Variants in PDE4B observed in about 807,000 individuals in gnomAD.
The protein encoded by PDE4B is phosphodiesterase 4B, also known as 3',5'-cyclic-AMP phosphodiesterase 4B.
A neutral mutation model predicts 82.2 loss-of-function variants in PDE4B; 20 were observed. That is an observed-to-expected ratio of 0.24 (90% CI 0.17 to 0.35). The LOEUF is 0.35. Ranked by LOEUF, PDE4B falls within the 10% of genes least tolerant of loss-of-function variation. PDE4B has a pLI of 1.00. For missense variants in PDE4B, 655 were observed against 907.2 expected (o/e 0.72, Z 3.57); for synonymous variants, 320 against 318.9 (o/e 1.00, Z -0.04).
At chr1:66,037,387 G>C (rs193092364) in intron 3 of PDE4B, among the ~76,000 whole-genome samples, 1 of 151,974 alleles carries the variant, frequency 6.6e-6, no homozygotes, top group Non-Finnish European at 1.5e-5. Context: ...TTATAAATAG[G>C]ATTGTTTTCT....
At chr1:66,081,707 T>G (rs758518873) in intron 3 of PDE4B, among the ~76,000 whole-genome samples, 3 of 152,038 alleles carry the variant, frequency 2.0e-5, no homozygotes, top group Non-Finnish European at 4.4e-5. Context: ...CTGGAGAGAT[T>G]TGGTCAGTGT....
chr1:66,316,573 G>C (rs1659043353), intron 7 of PDE4B, among the ~76,000 whole-genome samples: 1 of 152,302 alleles, frequency 6.6e-6, no homozygotes, highest in Non-Finnish European at 1.5e-5. Context: ...TGTGTTCAGG[G>C]GGAGATTGAT....
intron 3 of PDE4B, among the ~76,000 whole-genome samples, chr1:66,097,895 T>C (rs1225052151): frequency 6.6e-6 from 1 of 151,082 alleles, no homozygotes; most frequent in African/African-American, 2.4e-5. Flanking sequence ...AAAGTGGTGA[T>C]AGATTTTGTT....
At position 65,865,607 on chromosome 1, in the gene PDE4B, C is replaced by T. The variant is rs544017689; in HGVS notation, c.-70-47638C>T. On this transcript the variant is annotated intron_variant, in intron 1 of 16. Coordinates refer to ENST00000341517, the MANE Select transcript of PDE4B (RefSeq NM_002600.4). The stretch of plus-strand genomic sequence containing the variant: ...TGCTAGGTGGGCCCAATAGCACAGT[C>T]CCTCACGGCTTCCTTTGGCTGAGGT... Among the ~76,000 whole-genome samples the T allele has an allele frequency of 2.0e-3, 301 of 152,238 alleles. 1 individual carries two copies. Among genetic ancestry groups the T allele is most frequent in the Admixed American group, 3.5e-3 (53 of 15,296 alleles).
At chr1:66,249,787 A>G (rs1653613044) in intron 4 of PDE4B, among the ~76,000 whole-genome samples, 1 of 151,972 alleles carries the variant, frequency 6.6e-6, no homozygotes, top group Non-Finnish European at 1.5e-5. Context: ...AAAGATAAGG[A>G]CTTAGATAAA....
intron 3 of PDE4B, among the ~76,000 whole-genome samples, chr1:66,115,165 C>T (rs1645570997): frequency 6.6e-6 from 1 of 152,168 alleles, no homozygotes; most frequent in Non-Finnish European, 1.5e-5. Context: ...GCAATTCATA[C>T]TGACCTGTCA....
Position 66,198,669 on chromosome 1 carries a change from T to C in PDE4B, c.282-48791T>C, listed in dbSNP as rs551548258. ...TACTTGTGCACAACGTGCAGGTTTG[T>C]TACATATGTATACATGTGCCATGTC... On this transcript the variant is annotated intron_variant, in intron 3 of 16. Coordinates refer to ENST00000341517, the MANE Select transcript of PDE4B (RefSeq NM_002600.4). 7.2e-5 allele frequency among the ~76,000 whole-genome samples: 11 copies of C among 152,342 alleles called. No individual in the cohort carries two copies. The East Asian group carries it at 2.1e-3, about 29-fold the overall frequency.
intron 3 of PDE4B, among the ~76,000 whole-genome samples, chr1:66,020,445 C>T (rs1188894402): frequency 1.3e-5 from 2 of 152,004 alleles, no homozygotes; most frequent in African/African-American, 4.8e-5. Context: ...GGTATATCTC[C>T]TAATGCTATC....
At chr1:65,965,518 A>T (rs948691191) in intron 3 of PDE4B, among the ~76,000 whole-genome samples, 1 of 150,120 alleles carries the variant, frequency 6.7e-6, no homozygotes. Flanking sequence ...GAATCTTGTG[A>T]TTTTTTTTTT....
At chr1:66,056,806 G>A (rs1311094048) in intron 3 of PDE4B, among the ~76,000 whole-genome samples, 1 of 152,104 alleles carries the variant, frequency 6.6e-6, no homozygotes, top group African/African-American at 2.4e-5. Flanking sequence ...AGCTGGAAAA[G>A]GTAAGGAAGT....
intron 7 of PDE4B, among the ~76,000 whole-genome samples, chr1:66,280,857 A>G (rs1336579158): frequency 6.6e-6 from 1 of 152,162 alleles, no homozygotes; most frequent in East Asian, 1.9e-4. Flanking sequence ...TGAGTTTAGA[A>G]TCTAGAGAAA....
Position 66,372,960 on chromosome 1 carries a change from A to C in PDE4B, c.*282A>C. On this transcript the variant is annotated 3_prime_UTR_variant, in exon 17 of 17. Transcript: ENST00000341517. ...ATGGCTTGAAAATGGAAGACACAAA[A>C]CTGAGAGATCATTCTGCACTAAGTT... 1 of 339,406 alleles carries C rather than the reference A, an allele frequency of 2.9e-6. No homozygotes were observed. Among genetic ancestry groups the C allele is most frequent in the Non-Finnish European group, 5.5e-6 (1 of 183,284 alleles). The allele number at this position is 339,406 out of a possible 1,614,324, so 21.0% of individuals were successfully genotyped here.
intron 1 of PDE4B, among the ~76,000 whole-genome samples, chr1:65,858,868 A>T (rs992586968): frequency 4.6e-5 from 7 of 152,150 alleles, no homozygotes; most frequent in African/African-American, 1.7e-4. Context: ...TTGAGAGAAA[A>T]AAAGATGCAG....
chr1:66,314,994 T>G (rs939311279), intron 7 of PDE4B, among the ~76,000 whole-genome samples: 1 of 152,204 alleles, frequency 6.6e-6, no homozygotes, highest in African/African-American at 2.4e-5. Context: ...CTGGAGCACA[T>G]TCCTTGAGGA....
At chr1:65,926,178 C>T (rs535636822) in intron 3 of PDE4B, among the ~76,000 whole-genome samples, 51 of 152,272 alleles carry the variant, frequency 3.3e-4, no homozygotes, top group African/African-American at 1.1e-3. Flanking sequence ...GCAACTTTGA[C>T]GTCCATTATG....
intron 3 of PDE4B, among the ~76,000 whole-genome samples, chr1:65,990,203 G>A (rs536943955): frequency 2.6e-5 from 4 of 152,032 alleles, no homozygotes; most frequent in African/African-American, 7.2e-5. Flanking sequence ...CACATAATTT[G>A]GCAATAATAA....
At chr1:66,064,094 A>G (rs1655720208) in intron 3 of PDE4B, among the ~76,000 whole-genome samples, 1 of 151,984 alleles carries the variant, frequency 6.6e-6, no homozygotes, top group Non-Finnish European at 1.5e-5. Flanking sequence ...GTATGATTAA[A>G]CGGAAGTAGA....
chr1:66,209,462 G>A (rs1649847514), intron 3 of PDE4B, among the ~76,000 whole-genome samples: 1 of 152,102 alleles, frequency 6.6e-6, no homozygotes, highest in African/African-American at 2.4e-5. Flanking sequence ...AAACTACCCT[G>A]GTAGTTTAGA....
intron 3 of PDE4B, among the ~76,000 whole-genome samples, chr1:66,105,377 G>A (rs1334816625): frequency 4.6e-5 from 7 of 151,930 alleles, no homozygotes; most frequent in Non-Finnish European, 8.8e-5. Flanking sequence ...GTAGCGTGAT[G>A]CCTCCAGCTT....
Sources: allele counts gnomAD v4.1 joint callset (sites outside exome capture counted in the v4.1 genomes callset), GRCh38; gene constraint gnomAD v4.1.1; transcripts MANE v1.5; gene names NCBI Gene and HGNC (gene_info 2026-07-23, HGNC 2026-07-21).